The following DOCK4 variants were observed in gnomAD, a reference collection of about 807,000 sequenced individuals.
DOCK4 encodes dedicator of cytokinesis protein 4.
A neutral mutation model predicts 268.1 loss-of-function variants in DOCK4; 97 were observed. That is an observed-to-expected ratio of 0.36 (90% CI 0.31 to 0.43). DOCK4 has a LOEUF of 0.43. Among genes scored for constraint, DOCK4 ranks in the 20% least tolerant of loss-of-function variants. DOCK4 has a pLI of 1.00. For synonymous variants in DOCK4, 954 were observed against 887.2 expected (o/e 1.08, Z -1.34); for missense variants, 2,145 against 2,455.7 (o/e 0.87, Z 2.67).
At chr7:112,117,355 T>C (rs1461184472) in intron 1 of DOCK4, among the ~76,000 whole-genome samples, 3 of 146,466 alleles carry the variant, frequency 2.0e-5, no homozygotes, top group Non-Finnish European at 4.5e-5. Flanking sequence ...ATTAGCTTCA[T>C]ACCTTTTCTT....
At chr7:111,777,835 T>G (rs1028557067) in intron 36 of DOCK4, among the ~76,000 whole-genome samples, 3 of 152,178 alleles carry the variant, frequency 2.0e-5, no homozygotes, top group Non-Finnish European at 4.4e-5. Flanking sequence ...TCTGCCGCCA[T>G]GTAAGATGTG....
intron 36 of DOCK4, among the ~76,000 whole-genome samples, chr7:111,773,382 C>A (rs1419990341): frequency 6.6e-6 from 1 of 152,034 alleles, no homozygotes; most frequent in Non-Finnish European, 1.5e-5. Context: ...ATAAAGACTG[C>A]AAGTTGAGTA....
intron 1 of DOCK4, among the ~76,000 whole-genome samples, chr7:112,031,541 T>A (rs180742593): frequency 1.4e-3 from 214 of 152,296 alleles, no homozygotes; most frequent in African/African-American, 4.8e-3. Flanking sequence ...CCAATTCTTA[T>A]AACCTTCCAT....
At chr7:111,971,863 C>T (rs1485255873) in intron 8 of DOCK4, 1 of 259,832 alleles carries the variant, frequency 3.8e-6, no homozygotes, top group Non-Finnish European at 7.3e-6. Flanking sequence ...CAGGGAGGTC[C>T]CTTTTGGGCT....
intron 1 of DOCK4, among the ~76,000 whole-genome samples, chr7:112,177,259 T>C (rs1239601581): frequency 6.6e-6 from 1 of 152,198 alleles, no homozygotes; most frequent in African/African-American, 2.4e-5. Context: ...TTACTATACC[T>C]GTGTGATCTT....
At chr7:112,199,063 A>G (rs1376971496) in intron 1 of DOCK4, among the ~76,000 whole-genome samples, 1 of 152,228 alleles carries the variant, frequency 6.6e-6, no homozygotes, top group Non-Finnish European at 1.5e-5. Context: ...AACTTCTGCT[A>G]ACCACTGTCA....
chr7:112,118,181 G>C (rs1812356851), intron 1 of DOCK4, among the ~76,000 whole-genome samples: 1 of 150,530 alleles, frequency 6.6e-6, no homozygotes, highest in Non-Finnish European at 1.5e-5. Context: ...TCCTCCTCTT[G>C]AGACCTTTTA....
At chr7:111,877,533 C>T (rs1807006194) in intron 16 of DOCK4, among the ~76,000 whole-genome samples, 1 of 152,050 alleles carries the variant, frequency 6.6e-6, no homozygotes, top group African/African-American at 2.4e-5. Context: ...AGTCCTGATA[C>T]CTTGAAAATG....
intron 13 of DOCK4, among the ~76,000 whole-genome samples, chr7:111,908,908 C>A (rs1462947543): frequency 2.6e-5 from 4 of 152,278 alleles, no homozygotes; most frequent in Middle Eastern, 3.4e-3. Flanking sequence ...ATATGTGCCA[C>A]ATTTTCTTTA....
chr7:111,935,351 T>A (rs1404883643), intron 12 of DOCK4, 189 bp downstream of exon 12: 6 of 654,838 alleles, frequency 9.2e-6, no homozygotes, highest in Middle Eastern at 2.5e-4. Context: ...ACATTTTTTA[T>A]AGGGAGTTAT....
chr7:111,943,814 G>A (rs1181612710), intron 10 of DOCK4, among the ~76,000 whole-genome samples: 1 of 152,100 alleles, frequency 6.6e-6, no homozygotes, highest in Non-Finnish European at 1.5e-5. Context: ...AAAACATACA[G>A]AAAATCTATG....
Position 111,728,585 on chromosome 7 carries a change from C to G in DOCK4, c.5617G>C (p.Gly1873Arg). ...TGTTCATTCACCTGATTTTCAAAGC[C>G]TGAGGTTTCCGACGTGCTGCACCGG... ...LSRCSTSETSGFENQVNEQSA... is the reference protein window; with the variant it reads ...LSRCSTSETSRFENQVNEQSA... The change falls in exon 53 of 53, where the codon GGC (glycine) becomes CGC (arginine). Residue 1873 changes from glycine to arginine, a missense_variant. Physicochemically the swap from Gly to Arg is moderately radical, Grantham distance 125 (BLOSUM62 -2). Transcript: ENST00000428084. 1 of 1,614,040 alleles carries G rather than the reference C, an allele frequency of 6.2e-7. No individual in the cohort carries two copies. Among genetic ancestry groups the G allele is most frequent in the Non-Finnish European group, 8.5e-7 (1 of 1,179,898 alleles).
At chr7:111,815,589 GATTT>G (rs200633762) in intron 27 of DOCK4, among the ~76,000 whole-genome samples, 1 of 150,354 alleles carries the variant, frequency 6.7e-6, no homozygotes, top group Non-Finnish European at 1.5e-5. Flanking sequence ...CCAAATTACT[GATTT>G]ATTTATTCAT....
chr7:112,195,016 C>T (rs1246858831), intron 1 of DOCK4, among the ~76,000 whole-genome samples: 1 of 152,138 alleles, frequency 6.6e-6, no homozygotes, highest in Admixed American at 6.5e-5. Flanking sequence ...CAGTGGCTCA[C>T]GCATGTAATT....
At chr7:112,176,354 G>T (rs1563159048) in intron 1 of DOCK4, among the ~76,000 whole-genome samples, 1 of 152,056 alleles carries the variant, frequency 6.6e-6, no homozygotes, top group Non-Finnish European at 1.5e-5. Context: ...AAAGCCTCTG[G>T]GTCCATGAAC....
intron 1 of DOCK4, among the ~76,000 whole-genome samples, chr7:112,067,179 C>T (rs893617473): frequency 6.7e-6 from 1 of 149,546 alleles, no homozygotes. Flanking sequence ...TCAAAAAACA[C>T]CCAAAAAAGT....
intron 30 of DOCK4, among the ~76,000 whole-genome samples, chr7:111,803,663 C>T (rs897815568): frequency 2.1e-4 from 32 of 152,170 alleles, no homozygotes; most frequent in Non-Finnish European, 2.9e-5. Flanking sequence ...CTGGAACATT[C>T]TAGTAAAGAC....
intron 8 of DOCK4, among the ~76,000 whole-genome samples, chr7:111,954,567 C>T (rs1796307393): frequency 6.6e-6 from 1 of 152,110 alleles, no homozygotes; most frequent in Non-Finnish European, 1.5e-5. Context: ...GGCGCAAGAC[C>T]CAGCAGCGTG....
rs146825575 is a variant in DOCK4, at chr7:111,910,623, T to C, written c.1192+5156A>G. Among the ~76,000 whole-genome samples, 894 of 152,334 alleles carry C rather than the reference T, an allele frequency of 5.9e-3. 7 individuals are homozygous for C. Among genetic ancestry groups the C allele is most frequent in the African/African-American group, 0.021 (867 of 41,576 alleles). On this transcript the variant is annotated intron_variant, in intron 13 of 52. Transcript: ENST00000428084. Reference sequence around the variant, plus strand: ...CTCTTTTATTCTCACTTTTTTAAAGTGGCTACCAAAACATTTAAAATTAGC... The same window carrying C: ...CTCTTTTATTCTCACTTTTTTAAAGCGGCTACCAAAACATTTAAAATTAGC...
Sources: gnomAD v4.1 joint callset for allele counts (sites outside exome capture counted in the v4.1 genomes callset) on GRCh38, gnomAD v4.1.1 for gene constraint, MANE v1.5 for transcripts, NCBI Gene and HGNC (gene_info 2026-07-23, HGNC 2026-07-21) for gene names.